Variants in TTN observed in about 807,000 individuals in gnomAD.
The protein encoded by TTN is connectin.
TTN carries 1,525 observed loss-of-function variants against 3,223.0 expected under a neutral mutation model. That is an observed-to-expected ratio of 0.47 (90% CI 0.45 to 0.49). The LOEUF (loss-of-function observed/expected upper bound fraction) is 0.49, where lower values mean the gene tolerates loss of function less well. TTN is among the 20% of genes least tolerant of loss of function. The probability of loss-of-function intolerance (pLI) is 0.00; values close to 1 mark genes in which losing one functional copy is unlikely to be tolerated. For synonymous variants in TTN, 14,094 were observed against 15,161.0 expected (o/e 0.93, Z 5.17); for missense variants, 40,786 against 43,424.0 (o/e 0.94, Z 5.40).
chr2:178,694,801 T>C (rs553919800), intron 116 of TTN, 28 bp downstream of exon 116: 7 of 1,530,488 alleles, frequency 4.6e-6, no homozygotes, highest in Non-Finnish European at 6.2e-6. Flanking sequence ...CTTGTGTACA[T>C]GGGTGCTAGG....
chr2:178,681,559 CACAT>C, intron 136 of TTN, 98 bp downstream of exon 136: 1 of 1,459,468 alleles, frequency 6.9e-7, no homozygotes, highest in South Asian at 1.2e-5. Flanking sequence ...CCCAAACACA[CACAT>C]AATTTGTACA....
At chr2:178,693,566 A>G (rs1021656790) in intron 119 of TTN, 43 bp downstream of exon 119, 3 of 1,381,136 alleles carry the variant, frequency 2.2e-6, no homozygotes, top group Non-Finnish European at 3.0e-6. Flanking sequence ...ATTTGTACTA[A>G]TTTTTATTAA....
chr2:178,772,391 A>G (rs1040935314), intron 33 of TTN, among the ~76,000 whole-genome samples: 12 of 152,074 alleles, frequency 7.9e-5, no homozygotes, highest in Non-Finnish European at 1.3e-4. Context: ...TAACATCTCA[A>G]CTCCTCAAAA....
rs1574201819 is a variant in TTN at position 178,747,471 on chromosome 2, T to C, written c.11312-5550A>G. The C allele has an allele frequency of 2.5e-6, 4 of 1,613,424 alleles. No individual in the cohort carries two copies. In the East Asian group the frequency reaches 8.9e-5, roughly 36 times the overall value. On this transcript the variant is annotated intron_variant, in intron 47 of 362. Transcript: ENST00000589042. ...TCTAACTCAGATATTTCTTCACTGG[T>C]TGTACTTCCCACACCAATGGAAATG...
rs1429499866 is a variant in TTN at position 178,774,078 on chromosome 2, C to G, written c.7090G>C (p.Asp2364His). 1 of 1,613,854 alleles carries G rather than the reference C, an allele frequency of 6.2e-7. No homozygotes were observed. Among genetic ancestry groups the G allele is most frequent in the Non-Finnish European group, 8.5e-7 (1 of 1,179,970 alleles). The change falls in exon 31 of 363, where the codon GAC becomes CAC. Residue 2364 changes from aspartate to histidine, a missense_variant. Transcript: ENST00000589042. Reference sequence around the variant, plus strand: ...ATGTCACCCTCACAGACTTTTTGGTCACTAAGTCCTTGTAGGATAGCAATG... The same window carrying G: ...ATGTCACCCTCACAGACTTTTTGGTGACTAAGTCCTTGTAGGATAGCAATG... ...RPIAILQGLS[D>H]QKVCEGDIVQ...
chr2:178,779,435 T>C lies in TTN; in HGVS notation c.3757A>G (p.Arg1253Gly). The change falls in exon 23 of 363, where the codon AGA becomes GGA. Residue 1253 changes from arginine to glycine, a missense_variant. By Grantham distance (125) the Arg-to-Gly change is moderately radical (BLOSUM62 -2). Transcript: ENST00000589042. Reference sequence around the variant, plus strand: ...CTATATTCAATTTCTTTAATAAGTCTCTCTTCAAAGGAAGAAATATGGAAT... The same window carrying C: ...CTATATTCAATTTCTTTAATAAGTCCCTCTTCAAAGGAAGAAATATGGAAT... Reference protein sequence around the residue: ...QEFHISSFEERLIKEIEYRII... With the variant: ...QEFHISSFEEGLIKEIEYRII... 1 of 1,561,328 alleles carries C rather than the reference T, an allele frequency of 6.4e-7. No individual in the cohort carries two copies. Among genetic ancestry groups the C allele is most frequent in the Non-Finnish European group, 8.8e-7 (1 of 1,135,300 alleles).
chr2:178,527,901 A>G (rs1575180393), intron 361 of TTN, 153 bp from the exon 362 acceptor site: 2 of 658,506 alleles, frequency 3.0e-6, no homozygotes, highest in East Asian at 2.8e-5. Flanking sequence ...ACATATATAC[A>G]TACATTTGTC....
rs2056640267 is a variant in TTN, at chr2:178,613,079, G to A, written c.49649-7C>T. On this transcript the variant is annotated splice_region_variant and splice_polypyrimidine_tract_variant and intron_variant, in intron 264 of 362. Coordinates refer to ENST00000589042, the MANE Select transcript of TTN (RefSeq NM_001267550.2). ...CCAGGGGGCCATGGAGGATCTGCAA[G>A]CCAATGAAATCATTGTTTAGGTTTG... The A allele has an allele frequency of 4.3e-6, 7 of 1,612,404 alleles. No individual in the cohort carries two copies. Among genetic ancestry groups the A allele is most frequent in the Non-Finnish European group, 5.9e-6 (7 of 1,179,126 alleles).
At chr2:178,699,557 G>A (rs2074482612) in intron 111 of TTN, among the ~76,000 whole-genome samples, 2 of 143,210 alleles carry the variant, frequency 1.4e-5, no homozygotes. Flanking sequence ...GACTACAGGC[G>A]CCCGCCACCG....
chr2:178,779,294 A>T lies in TTN; in HGVS notation c.3898T>A (p.Tyr1300Asn). 1 of 1,613,784 alleles carries T rather than the reference A, an allele frequency of 6.2e-7. No homozygotes were observed. Residue 1300 changes from tyrosine to asparagine, a missense_variant, in exon 23 of 363, where the codon TAT (tyrosine) becomes AAT (asparagine). By Grantham distance (143) the Tyr-to-Asn change is moderately radical. Transcript: ENST00000589042. ...ESGFDSRIKN[Y>N]RILEGMGVTF... The stretch of plus-strand genomic sequence containing the variant: ...ACACCCATCCCCTCAAGAATTCTAT[A>T]ATTCTTGATTCTTGAATCAAATCCT...
Position 178,547,233 on chromosome 2 carries a change from T to C in TTN, c.94292A>G (p.Glu31431Gly). 1 of 1,613,850 alleles carries C rather than the reference T, an allele frequency of 6.2e-7. No homozygotes were observed. The highest frequency in any genetic ancestry group is 1.7e-5 in the Admixed American group (1 of 60,018). ...TTTACTGCCACCATCGTGGTAGGGTTCTTCCCAACGAATAGACATGGCATT... is the reference window on the plus strand; with the variant it reads ...TTTACTGCCACCATCGTGGTAGGGTCCTTCCCAACGAATAGACATGGCATT... ...SANAMSIRWE[E>G]PYHDGGSKII... is the part of the protein sequence containing the mutation. The change falls in exon 340 of 363, where the codon GAA becomes GGA. Residue 31431 changes from glutamate (E) to glycine (G), a missense_variant. By Grantham distance (98) the Glu-to-Gly change is moderately conservative. Transcript: ENST00000589042.
chr2:178,740,824 T>C lies in TTN; in HGVS notation c.12409A>G (p.Ser4137Gly), dbSNP rs774855470. Residue 4137 changes from serine (S) to glycine (G), a missense_variant, in exon 48 of 363, where the codon AGT (serine) becomes GGT (glycine). Physicochemically the swap from Ser to Gly is moderately conservative, Grantham distance 56. Transcript: ENST00000589042. ...STREFLCINGSIHFQPLKEPS... is the reference protein window; with the variant it reads ...STREFLCINGGIHFQPLKEPS... ...TCCTTGAGAGGCTGAAAGTGAATAC[T>C]GCCATTGATGCAAAGAAATTCCCTG... The C allele has an allele frequency of 3.1e-6, 5 of 1,613,780 alleles. No individual in the cohort carries two copies. The highest frequency in any genetic ancestry group is 1.7e-5 in the Admixed American group (1 of 59,992).
Position 178,738,159 on chromosome 2 carries a change from A to T in TTN, c.14294T>A (p.Val4765Asp), listed in dbSNP as rs1192234880. 1.2e-6 allele frequency: 2 copies of T among 1,613,842 alleles called. No individual in the cohort carries two copies. Among genetic ancestry groups the T allele is most frequent in the Non-Finnish European group, 1.7e-6 (2 of 1,179,784 alleles). ...TTTGCATGTATACTCGCCGCAGTCA[A>T]CCACCTGGGTTCTCAGGATTTCAAG... ...SSLEILRTQV[V>D]DCGEYTCKAS... Residue 4765 changes from valine (V) to aspartate (D), a missense_variant, in exon 49 of 363, where the codon GTT becomes GAT. Transcript: ENST00000589042.
At chr2:178,528,038 C>T (rs750633228) in intron 361 of TTN, 44 of 556,116 alleles carry the variant, frequency 7.9e-5, no homozygotes, top group Non-Finnish European at 1.3e-4. Context: ...TATTGTGCAT[C>T]CTGCAAATAA....
At chr2:178,668,733 C>CA (rs1372370526) in intron 159 of TTN, among the ~76,000 whole-genome samples, 1,232 of 61,556 alleles carry the variant, frequency 0.02, 13 homozygotes, top group Middle Eastern at 0.081. Context: ...GATTCCATCT[C>CA]AAAAAAAAAA....
chr2:178,708,396 C>T (rs1383801203), intron 99 of TTN, among the ~76,000 whole-genome samples: 1 of 152,034 alleles, frequency 6.6e-6, no homozygotes, highest in Non-Finnish European at 1.5e-5. Context: ...AACTGAAGAC[C>T]AATGATGAAG....
In TTN at chr2:178,555,580, A is replaced by C. The variant is rs997443242; in HGVS notation, c.88307-428T>G. The C allele has an allele frequency of 4.8e-5, 8 of 165,324 alleles. No homozygotes were observed. The Admixed American group carries it at 5.1e-4, about 11-fold the overall frequency. 10.2% of individuals were successfully genotyped at this position (165,324 alleles called of 1,614,324 possible). Reference sequence around the variant, plus strand: ...GTGGATGGTTCATGTCAGACACTTAAAGTCTGAATTCTCTACCCACAGAGC... The same window carrying C: ...GTGGATGGTTCATGTCAGACACTTACAGTCTGAATTCTCTACCCACAGAGC... On this transcript the variant is annotated intron_variant, in intron 330 of 362. Transcript: ENST00000589042.
rs759462905 is a variant in TTN, at chr2:178,531,869, C to T, written c.104746G>A (p.Ala34916Thr). Residue 34916 changes from alanine (A) to threonine (T), a missense_variant, in exon 358 of 363, where the codon GCT (alanine) becomes ACT (threonine). Transcript: ENST00000589042. ...GATGTCTTCTGAGTTTTTAAAGCAG[C>T]TTTCATGGACTCATACCTGGAAAAG... ...DIFSRYESMKAALKTQKTSER... is the reference protein window; with the variant it reads ...DIFSRYESMKTALKTQKTSER... The T allele has an allele frequency of 1.2e-6, 2 of 1,613,352 alleles. No homozygotes were observed. Among genetic ancestry groups the T allele is most frequent in the South Asian group, 1.1e-5 (1 of 91,030 alleles).
At chr2:178,698,791 A>G in intron 112 of TTN, 52 bp downstream of exon 112, 6 of 1,496,814 alleles carry the variant, frequency 4.0e-6, no homozygotes, top group Non-Finnish European at 5.4e-6. Context: ...AGAATTTAAA[A>G]GTTTTGGCCA....
Sources: allele counts gnomAD v4.1 joint callset (sites outside exome capture counted in the v4.1 genomes callset), GRCh38; gene constraint gnomAD v4.1.1; transcripts MANE v1.5; gene names NCBI Gene and HGNC (gene_info 2026-07-23, HGNC 2026-07-21).